Variants in ZC3H3 observed in about 807,000 individuals in gnomAD.
ZC3H3 encodes the protein zinc finger CCCH domain-containing protein 3.
ZC3H3 carries 36 observed loss-of-function variants against 77.3 expected under a neutral mutation model. The ratio of observed to expected loss-of-function variants is 0.47; its 90% CI spans 0.36 to 0.61. The LOEUF (loss-of-function observed/expected upper bound fraction) is 0.61. ZC3H3 is among the 20% of genes least tolerant of loss of function. The pLI is 0.00. For synonymous variants in ZC3H3, 626 were observed against 555.2 expected, an observed-to-expected ratio of 1.13 and a Z score of -1.79; for missense variants, 1,331 against 1,312.2, an observed-to-expected ratio of 1.01 and a Z score of -0.22.
At position 143,460,249 on chromosome 8, in the gene ZC3H3, A is replaced by AAAATAAATAAATAAAT. The variant is rs539928786; in HGVS notation, c.2307+5452_2307+5467dup. ...GGCGACAGAGTGAGACTATGTCTCA[A>AAAATAAATAAATAAAT]AAATAAATAAATAAATAAATAAATA... is the stretch of plus-strand genomic sequence containing the variant. On this transcript the variant is annotated intron_variant, in intron 9 of 11. Coordinates refer to ENST00000262577, the MANE Select transcript of ZC3H3 (RefSeq NM_015117.3). The surrounding 1 kb of genome is among the most constrained non-coding windows in gnomAD (Gnocchi z 4.0). 9.0e-5 allele frequency among the ~76,000 whole-genome samples: 13 copies of AAAATAAATAAATAAAT among 144,116 alleles called. No individual in the cohort carries two copies. Among genetic ancestry groups the AAAATAAATAAATAAAT allele is most frequent in the South Asian group, 2.2e-4 (1 of 4,498 alleles). The allele number at this position is 144,116 out of a possible 152,430, so 94.5% of individuals were successfully genotyped here. A position where few individuals can be genotyped will look rare whatever the true frequency, so the allele number is the denominator to read the frequency against.
intron 5 of ZC3H3, among the ~76,000 whole-genome samples, chr8:143,470,979 T>G (rs1820546802): frequency 6.6e-6 from 1 of 152,038 alleles, no homozygotes; most frequent in Non-Finnish European, 1.5e-5. Context: ...CCCTGCTCGG[T>G]GCCCCAGTGC....
intron 5 of ZC3H3, 60 bp downstream of exon 5, chr8:143,475,338 T>C (rs891513188): frequency 6.4e-7 from 1 of 1,552,328 alleles, no homozygotes; most frequent in African/African-American, 1.4e-5. Flanking sequence ...TGGCCTGCAA[T>C]GCCCACCACA....
intron 10 of ZC3H3, 134 bp downstream of exon 10, chr8:143,440,802 G>T: frequency 1.9e-6 from 2 of 1,060,622 alleles, no homozygotes; most frequent in Non-Finnish European, 2.5e-6. Context: ...CCCAGCCTTG[G>T]ATAGGGATTT....
chr8:143,504,293 CGCCA>C (rs1265965427), intron 4 of ZC3H3, among the ~76,000 whole-genome samples: 15 of 152,166 alleles, frequency 9.9e-5, no homozygotes, highest in Non-Finnish European at 8.8e-5. Flanking sequence ...GTGCAGTCCC[CGCCA>C]TGAGCATCAC....
At chr8:143,446,659 C>T (rs1819868917) in intron 9 of ZC3H3, among the ~76,000 whole-genome samples, 1 of 152,200 alleles carries the variant, frequency 6.6e-6, no homozygotes, top group Admixed American at 6.5e-5. Context: ...TTCTAATGGT[C>T]AAAAAGTAAA....
At chr8:143,534,487 A>G (rs1822727727) in intron 3 of ZC3H3, among the ~76,000 whole-genome samples, 1 of 151,838 alleles carries the variant, frequency 6.6e-6, no homozygotes, top group African/African-American at 2.4e-5. Context: ...CCTATGCCCC[A>G]CTCTACTAGA....
intron 4 of ZC3H3, among the ~76,000 whole-genome samples, chr8:143,497,560 TGGTGCTGACTGCACCCACC>T (rs2129989043): frequency 6.6e-6 from 1 of 152,328 alleles, no homozygotes; most frequent in South Asian, 2.1e-4. Flanking sequence ...TGTGGTCTTT[TGGTGCTGACTGCACCCACC>T]GGTAGGCCAA....
In ZC3H3 at chr8:143,538,948, CCT is replaced by C; in HGVS notation, c.417_418del (p.Ala141ProfsTer9). 1.2e-6 allele frequency: 2 copies of C among 1,613,048 alleles called. No individual in the cohort carries two copies. The highest frequency in any genetic ancestry group is 1.7e-6 in the Non-Finnish European group (2 of 1,180,034). On this transcript the variant is annotated frameshift_variant, in exon 2 of 12. Coordinates refer to ENST00000262577, the MANE Select transcript of ZC3H3 (RefSeq NM_015117.3). LOFTEE classifies it high-confidence loss of function. The stretch of plus-strand genomic sequence containing the variant: ...TTCTTCCAAAGAGCCCCGCTGGGCC[CCT>C]GAGGCACTGGCAGAGCCAGACTTTG...
At chr8:143,519,691 G>A (rs895970251) in intron 3 of ZC3H3, among the ~76,000 whole-genome samples, 3 of 152,154 alleles carry the variant, frequency 2.0e-5, no homozygotes, top group Non-Finnish European at 4.4e-5. Context: ...CGGGGCAAGC[G>A]GCCCGCCTCA....
intron 4 of ZC3H3, among the ~76,000 whole-genome samples, chr8:143,481,340 T>C (rs1366805370): frequency 2.6e-5 from 4 of 152,066 alleles, no homozygotes; most frequent in Non-Finnish European, 5.9e-5. Context: ...CCCCTCAGCA[T>C]CCTTCCCTCC....
At chr8:143,522,460 G>A (rs1011006996) in intron 3 of ZC3H3, among the ~76,000 whole-genome samples, 7 of 152,112 alleles carry the variant, frequency 4.6e-5, no homozygotes, top group Non-Finnish European at 7.4e-5. Flanking sequence ...AAAATTAGCC[G>A]GATGTGATGG....
intron 9 of ZC3H3, among the ~76,000 whole-genome samples, chr8:143,445,439 G>A (rs1273736601): frequency 1.4e-5 from 2 of 146,356 alleles, no homozygotes; most frequent in South Asian, 4.4e-4. Context: ...AAAGGTAGGA[G>A]GCCAGGGCGG....
At chr8:143,473,065 C>T (rs545991400) in intron 5 of ZC3H3, among the ~76,000 whole-genome samples, 4 of 152,336 alleles carry the variant, frequency 2.6e-5, no homozygotes, top group Non-Finnish European at 4.4e-5. Context: ...CTCTCGCGTA[C>T]GTCAGGACAT....
At chr8:143,534,562 C>T (rs763728923) in intron 3 of ZC3H3, among the ~76,000 whole-genome samples, 2 of 152,252 alleles carry the variant, frequency 1.3e-5, no homozygotes, top group Admixed American at 6.5e-5. Context: ...AGCCTCTCAC[C>T]CCAACCACCA....
intron 10 of ZC3H3, 146 bp from the exon 11 acceptor site, chr8:143,440,509 C>A: frequency 7.2e-7 from 1 of 1,393,420 alleles, no homozygotes; most frequent in Non-Finnish European, 9.3e-7. Context: ...AGGCCTGGCC[C>A]TTGGCCGCAA....
rs73715636 is a variant in ZC3H3 at position 143,495,912 on chromosome 8, T to C, written c.1715+11834A>G. On this transcript the variant is annotated intron_variant, in intron 4 of 11. Transcript: ENST00000262577. Reference sequence around the variant, plus strand: ...CCACTGCGCCTGGTGATTCATTTGTTAGAACTCACAGACTGTTAGATTTAT... The same window carrying C: ...CCACTGCGCCTGGTGATTCATTTGTCAGAACTCACAGACTGTTAGATTTAT... Among the ~76,000 whole-genome samples, 592 of 152,228 alleles carry C rather than the reference T, an allele frequency of 3.9e-3. 3 individuals carry two copies. The highest frequency in any genetic ancestry group is 0.013 in the African/African-American group (549 of 41,522).
intron 9 of ZC3H3, among the ~76,000 whole-genome samples, chr8:143,442,783 T>C (rs1230086909): frequency 6.6e-6 from 1 of 152,240 alleles, no homozygotes; most frequent in East Asian, 1.9e-4. Context: ...TCTTTTTCCT[T>C]GATGACATGT....
chr8:143,460,249 AAAATAAATAAATAAATAAAT>A lies in ZC3H3; in HGVS notation c.2307+5448_2307+5467del, dbSNP rs539928786. Among the ~76,000 whole-genome samples the A allele has an allele frequency of 1.9e-4, 28 of 144,224 alleles. No individual in the cohort carries two copies. The highest frequency in any genetic ancestry group is 1.4e-3 in the East Asian group (7 of 4,906). The allele number at this position is 144,224 out of a possible 152,430, so 94.6% of individuals were successfully genotyped here. On this transcript the variant is annotated intron_variant, in intron 9 of 11. Coordinates refer to ENST00000262577, the MANE Select transcript of ZC3H3 (RefSeq NM_015117.3). The surrounding 1 kb of genome is among the most constrained non-coding windows in gnomAD (Gnocchi z 4.0). ...GGCGACAGAGTGAGACTATGTCTCA[AAAATAAATAAATAAATAAAT>A]AAATAAATAAATAAATAAATAAAAG... is the stretch of plus-strand genomic sequence containing the variant.
At chr8:143,518,099 G>A (rs1360750970) in intron 3 of ZC3H3, among the ~76,000 whole-genome samples, 1 of 152,200 alleles carries the variant, frequency 6.6e-6, no homozygotes. Context: ...CATGGCCCTG[G>A]TGCTGCAGGA....
Sources: allele counts gnomAD v4.1 joint callset (sites outside exome capture counted in the v4.1 genomes callset), GRCh38; gene constraint gnomAD v4.1.1; non-coding constraint Gnocchi (gnomAD v3.1); transcripts MANE v1.5; gene names NCBI Gene and HGNC (gene_info 2026-07-23, HGNC 2026-07-21).